The following CHST6 variants were observed in gnomAD, a reference collection of about 807,000 sequenced individuals.
CHST6 encodes N-acetylglucosamine 6-O-sulfotransferase 5.
For missense variants in CHST6, 698 were observed against 586.2 expected (o/e 1.19, Z -1.97); for synonymous variants, 309 against 276.4 (o/e 1.12, Z -1.17).
At position 75,489,209 on chromosome 16, in the gene CHST6, G is replaced by A. The variant is rs558778990; in HGVS notation, c.-92+5731C>T. ...AGGTCAGGAGTTCAAGACCAGCCTG[G>A]ACAACATGACGAAACCCCAACTGTA... On this transcript the variant is annotated intron_variant, in intron 1 of 2. Transcript: ENST00000332272. Among the ~76,000 whole-genome samples, 3 of 151,854 alleles carry A rather than the reference G, an allele frequency of 2.0e-5. No homozygotes were observed. In the South Asian group the frequency reaches 6.2e-4, roughly 31 times the overall value.
chr16:75,489,761 A>G (rs537598506), intron 1 of CHST6, among the ~76,000 whole-genome samples: 8 of 150,560 alleles, frequency 5.3e-5, no homozygotes, highest in African/African-American at 2.0e-4. Context: ...TATCCTATTT[A>G]GTTTTTTAAG....
chr16:75,493,973 T>G (rs2080283847), intron 1 of CHST6, among the ~76,000 whole-genome samples: 1 of 152,286 alleles, frequency 6.6e-6, no homozygotes, highest in African/African-American at 2.4e-5. Flanking sequence ...GCCTCCCAAG[T>G]AGCTGGGATT....
chr16:75,490,925 A>C (rs2080245762), intron 1 of CHST6, among the ~76,000 whole-genome samples: 1 of 152,060 alleles, frequency 6.6e-6, no homozygotes. Context: ...ATCTGCAATA[A>C]AAAAGAATAA....
Position 75,479,362 on chromosome 16 carries a change from T to A in CHST6, c.467A>T (p.Gln156Leu). The change falls in exon 3 of 3, where the codon CAG becomes CTG. Residue 156 changes from glutamine (Q) to leucine (L), a missense_variant. By Grantham distance (113) the Gln-to-Leu change is moderately radical. Transcript: ENST00000332272. ...EAVCKPLCAR[Q>L]SFTLAREACR... ...GGCCTCCCGGGCCAGGGTGAAGGAC[T>A]GCCGCGCGCACAGTGGCTTGCACAC... 6.2e-7 allele frequency: 1 copy of A among 1,612,712 alleles called. No homozygotes were observed. Among genetic ancestry groups the A allele is most frequent in the Non-Finnish European group, 8.5e-7 (1 of 1,179,760 alleles).
chr16:75,493,057 C>G (rs887578860), intron 1 of CHST6, among the ~76,000 whole-genome samples: 10 of 152,040 alleles, frequency 6.6e-5, no homozygotes, highest in African/African-American at 2.2e-4. Flanking sequence ...TCATGTATTT[C>G]TGGACCCATT....
chr16:75,490,145 C>G (rs1219770539), intron 1 of CHST6, among the ~76,000 whole-genome samples: 2 of 134,082 alleles, frequency 1.5e-5, no homozygotes, highest in Non-Finnish European at 3.0e-5. Context: ...TGCATTCTAG[C>G]CTGGGGAACA....
rs754155662 is a variant in CHST6 at position 75,479,171 on chromosome 16, G to C, written c.658C>G (p.Arg220Gly). The change falls in exon 3 of 3, where the codon CGT becomes GGT. Residue 220 changes from arginine (R) to glycine (G), a missense_variant. Physicochemically the swap from Arg to Gly is moderately radical, Grantham distance 125. Coordinates refer to ENST00000332272, the MANE Select transcript of CHST6 (RefSeq NM_021615.5). Reference protein sequence around the residue: ...SREQTAKALARDNGIVLGTNG... With the variant: ...SREQTAKALAGDNGIVLGTNG... ...GTGCCCAGCACGATGCCGTTGTCACGCGCCAGAGCCTTGGCTGTCTGCTCC... is the reference window on the plus strand; with the variant it reads ...GTGCCCAGCACGATGCCGTTGTCACCCGCCAGAGCCTTGGCTGTCTGCTCC... 2 of 1,607,756 alleles carry C rather than the reference G, an allele frequency of 1.2e-6. No individual in the cohort carries two copies. The highest frequency in any genetic ancestry group is 1.7e-6 in the Non-Finnish European group (2 of 1,178,962).
At chr16:75,481,172 A>G (rs535354825) in intron 2 of CHST6, among the ~76,000 whole-genome samples, 3 of 151,992 alleles carry the variant, frequency 2.0e-5, no homozygotes, top group Admixed American at 1.3e-4. Flanking sequence ...GCTATTCGGG[A>G]GGCTGAGGTG....
intron 1 of CHST6, among the ~76,000 whole-genome samples, chr16:75,491,190 A>AAAAAAAAATATAT (rs1206595857): frequency 6.6e-4 from 33 of 50,074 alleles, no homozygotes; most frequent in Non-Finnish European, 8.1e-4. Flanking sequence ...AAAAAAAAAA[A>AAAAAAAAATATAT]ATATATATAT....
In CHST6 at chr16:75,486,182, C is replaced by T. The variant is rs115616752; in HGVS notation, c.-91-4291G>A. ...CTGCAGCCACCTCCTCTGTGCCTGTCAAGGCATGCCCCACTCTGCCCTGCA... is the reference window on the plus strand; with the variant it reads ...CTGCAGCCACCTCCTCTGTGCCTGTTAAGGCATGCCCCACTCTGCCCTGCA... On this transcript the variant is annotated intron_variant, in intron 1 of 2. Coordinates refer to ENST00000332272, the MANE Select transcript of CHST6 (RefSeq NM_021615.5). Among the ~76,000 whole-genome samples, 543 of 152,386 alleles carry T rather than the reference C, an allele frequency of 3.6e-3. 3 individuals are homozygous for T. The highest frequency in any genetic ancestry group is 0.011 in the African/African-American group (477 of 41,592).
intron 2 of CHST6, 36 bp from the exon 3 acceptor site, chr16:75,479,880 C>T (rs1293983167): frequency 6.6e-7 from 1 of 1,515,060 alleles, no homozygotes; most frequent in Middle Eastern, 2.2e-4. Flanking sequence ...GGGGCTGCAG[C>T]CTGCACGCCC....
At chr16:75,482,206 C>T (rs2080149627) in intron 1 of CHST6, among the ~76,000 whole-genome samples, 1 of 152,130 alleles carries the variant, frequency 6.6e-6, no homozygotes, top group Admixed American at 6.6e-5. Context: ...CCCAGTATCT[C>T]ACAGGCCACC....
Position 75,479,056 on chromosome 16 carries a change from AGT to A in CHST6, c.771_772del (p.Leu258GlnfsTer47). Reference sequence around the variant, plus strand: ...GCCGCGCAGAAAGGGTGGCGGCTTGAGTGTGGCGGCCTCGGCGATGCGTACGT... The same window carrying A: ...GCCGCGCAGAAAGGGTGGCGGCTTGAGTGGCGGCCTCGGCGATGCGTACGT... On this transcript the variant is annotated frameshift_variant, in exon 3 of 3. Transcript: ENST00000332272. LOFTEE classifies it low-confidence loss of function (END_TRUNC). 6.2e-7 allele frequency: 1 copy of A among 1,607,574 alleles called. No homozygotes were observed. The highest frequency in any genetic ancestry group is 1.7e-5 in the Admixed American group (1 of 59,990).
chr16:75,481,467 A>C (rs2080140735), intron 2 of CHST6, among the ~76,000 whole-genome samples: 1 of 151,510 alleles, frequency 6.6e-6, no homozygotes, highest in Non-Finnish European at 1.5e-5. Flanking sequence ...ATGGTGGTGC[A>C]TGTCTGTAGT....
At position 75,478,829 on chromosome 16, in the gene CHST6, G is replaced by C; in HGVS notation, c.1000C>G (p.Arg334Gly). The C allele has an allele frequency of 6.2e-7, 1 of 1,613,442 alleles. No individual in the cohort carries two copies. The highest frequency in any genetic ancestry group is 1.1e-5 in the South Asian group (1 of 91,090). ...ATCTTGGCAAAGGGCAGCGCATGGC[G>C]CCAGGCCTGGGAGACGTTGAGCGCA... The part of the protein sequence containing the change: ...RNALNVSQAW[R>G]HALPFAKIRR... The change falls in exon 3 of 3, where the codon CGC (arginine) becomes GGC (glycine). Residue 334 changes from arginine (R) to glycine (G), a missense_variant. Coordinates refer to ENST00000332272, the MANE Select transcript of CHST6 (RefSeq NM_021615.5).
chr16:75,474,356 C>A lies in CHST6; in HGVS notation c.*4285G>T. The stretch of plus-strand genomic sequence containing the variant: ...CTGGCATGATCATGGTTCAATGTAG[C>A]CTCAACCTCCCAGGGTCAAGCAGTC... On this transcript the variant is annotated 3_prime_UTR_variant, in exon 3 of 3. Transcript: ENST00000332272. 1 of 362,208 alleles carries A rather than the reference C, an allele frequency of 2.8e-6. No individual in the cohort carries two copies. Among genetic ancestry groups the A allele is most frequent in the Non-Finnish European group, 4.9e-6 (1 of 203,630 alleles). 22.4% of individuals were successfully genotyped at this position (362,208 alleles called of 1,614,324 possible).
rs754836300 is a variant in CHST6 at position 75,479,676 on chromosome 16, C to G, written c.153G>C (p.Ser51=). ...AGAGTTGGCCCACGAAGGACGAGCC[C>G]GAGCGCCACGAGGACAGCACCAGCA... ...VHVLVLSSWR[S]GSSFVGQLFN... is the part of the protein sequence containing the mutation. The change falls in exon 3 of 3, where the codon TCG becomes TCC. Residue 51 remains serine, a synonymous_variant. Transcript: ENST00000332272. 3.1e-6 allele frequency: 5 copies of G among 1,612,346 alleles called. No individual in the cohort carries two copies. The South Asian group carries it at 4.4e-5, about 14-fold the overall frequency.
chr16:75,479,603 C>G lies in CHST6; in HGVS notation c.226G>C (p.Val76Leu). ...VFYLMEPAWH[V>L]WTTLSQGSAA... ...CTGCCCTGCGACAGGGTGGTCCACA[C>G]GTGCCACGCGGGCTCCATTAGGTAG... The change falls in exon 3 of 3, where the codon GTG becomes CTG. Residue 76 changes from valine (V) to leucine (L), a missense_variant. Physicochemically the swap from Val to Leu is conservative, Grantham distance 32. Coordinates refer to ENST00000332272, the MANE Select transcript of CHST6 (RefSeq NM_021615.5). 3 of 1,612,864 alleles carry G rather than the reference C, an allele frequency of 1.9e-6. No individual in the cohort carries two copies. The highest frequency in any genetic ancestry group is 2.5e-6 in the Non-Finnish European group (3 of 1,179,838).
In CHST6 at chr16:75,473,141, G is replaced by C. The variant is rs1249841111; in HGVS notation, c.*5500C>G. The C allele has an allele frequency of 1.3e-5, 2 of 152,288 alleles. No homozygotes were observed. Among genetic ancestry groups the C allele is most frequent in the Non-Finnish European group, 2.9e-5 (2 of 68,076 alleles). 9.4% of individuals were successfully genotyped at this position (152,288 alleles called of 1,614,324 possible). ...CACTCAAATGACTGAAACACAATAA[G>C]CACTTTTATTGCTCCTAAAGTCTTC... On this transcript the variant is annotated 3_prime_UTR_variant, in exon 3 of 3. Transcript: ENST00000332272.
Sources: gnomAD v4.1 joint callset for allele counts (sites outside exome capture counted in the v4.1 genomes callset) on GRCh38, gnomAD v4.1.1 for gene constraint, MANE v1.5 for transcripts, NCBI Gene and HGNC (gene_info 2026-07-23, HGNC 2026-07-21) for gene names.